Variants in RORA observed in about 807,000 individuals in gnomAD.
RORA encodes RAR related orphan receptor A, also known as nuclear receptor ROR-alpha.
RORA carries 7 observed loss-of-function variants against 69.5 expected under a neutral mutation model. The observed-to-expected ratio is 0.10, with a 90% CI of 0.06 to 0.19. RORA has a LOEUF of 0.19. Ranked by LOEUF, RORA falls within the 10% of genes least tolerant of loss-of-function variation. The pLI is 1.00. For synonymous variants in RORA, 261 were observed against 240.8 expected (o/e 1.08, Z -0.78); for missense variants, 457 against 663.0 (o/e 0.69, Z 3.41).
chr15:60,737,678 G>A (rs2071521286), intron 1 of RORA, among the ~76,000 whole-genome samples: 1 of 152,188 alleles, frequency 6.6e-6, no homozygotes, highest in Non-Finnish European at 1.5e-5. Flanking sequence ...TGTTTGTTTG[G>A]CTCAGGTTTC....
intron 2 of RORA, among the ~76,000 whole-genome samples, chr15:60,666,132 G>T (rs1390985708): frequency 6.6e-6 from 1 of 151,270 alleles, no homozygotes; most frequent in Non-Finnish European, 1.5e-5. Flanking sequence ...AGTAGATACT[G>T]ATCACTCTGT....
chr15:60,754,994 T>TTTA (rs1190666450), intron 1 of RORA, among the ~76,000 whole-genome samples: 15 of 151,592 alleles, frequency 9.9e-5, no homozygotes, highest in East Asian at 7.7e-4. Flanking sequence ...TTTTTTTTTT[T>TTTA]TATATATACT....
intron 1 of RORA, among the ~76,000 whole-genome samples, chr15:60,998,151 C>A (rs966154864): frequency 6.6e-6 from 1 of 152,090 alleles, no homozygotes; most frequent in Non-Finnish European, 1.5e-5. Context: ...ACCAAAGCTG[C>A]CTTCATCATG....
intron 1 of RORA, among the ~76,000 whole-genome samples, chr15:61,218,316 T>C (rs1262019678): frequency 6.6e-6 from 1 of 152,040 alleles, no homozygotes. Flanking sequence ...GGACCTGTAA[T>C]ATTCAAGCTG....
chr15:60,628,846 G>T (rs1324327341), intron 2 of RORA, among the ~76,000 whole-genome samples: 1 of 152,178 alleles, frequency 6.6e-6, no homozygotes, highest in African/African-American at 2.4e-5. Context: ...ACCTATTGCA[G>T]CTCAAGAGAT....
At chr15:60,541,347 T>G (rs916422971) in intron 2 of RORA, among the ~76,000 whole-genome samples, 1 of 152,186 alleles carries the variant, frequency 6.6e-6, no homozygotes, top group African/African-American at 2.4e-5. Context: ...TTTGTAATGC[T>G]TTTCTAAGAC....
At chr15:60,885,206 C>T (rs60681493) in intron 1 of RORA, among the ~76,000 whole-genome samples, 2 of 152,300 alleles carry the variant, frequency 1.3e-5, no homozygotes, top group East Asian at 3.9e-4. Flanking sequence ...GGGGCTCAGC[C>T]TATAAGAGAA....
At chr15:61,082,048 T>A (rs773283410) in intron 1 of RORA, among the ~76,000 whole-genome samples, 4 of 152,184 alleles carry the variant, frequency 2.6e-5, no homozygotes, top group Non-Finnish European at 5.9e-5. Flanking sequence ...CCTCACAGGT[T>A]TACTGTGACA....
At position 60,818,176 on chromosome 15, in the gene RORA, T is replaced by G. The variant is rs527847339; in HGVS notation, c.167-139490A>C. On this transcript the variant is annotated intron_variant, in intron 1 of 10. Coordinates refer to ENST00000335670, the MANE Select transcript of RORA (RefSeq NM_134261.3). ...ATGAAATCAAGGAACAAGTACAGGATTCTATTTAGGTTGGTGCAAAAGTTA... is the reference window on the plus strand; with the variant it reads ...ATGAAATCAAGGAACAAGTACAGGAGTCTATTTAGGTTGGTGCAAAAGTTA... 2.2e-4 allele frequency among the ~76,000 whole-genome samples: 33 copies of G among 152,318 alleles called. 1 individual carries two copies. The South Asian group carries it at 4.8e-3, about 22-fold the overall frequency.
intron 2 of RORA, among the ~76,000 whole-genome samples, chr15:60,541,601 A>C (rs1306925413): frequency 6.6e-6 from 1 of 152,246 alleles, no homozygotes; most frequent in African/African-American, 2.4e-5. Context: ...AAAGGGAAAT[A>C]CAGAAAGAGG....
At chr15:60,655,732 A>C (rs2070212173) in intron 2 of RORA, among the ~76,000 whole-genome samples, 3 of 152,146 alleles carry the variant, frequency 2.0e-5, no homozygotes, top group South Asian at 2.1e-4. Context: ...GAAGAAGGGC[A>C]AAGGGGAGTA....
In RORA at chr15:60,503,663, C is replaced by T. The variant is rs200561318; in HGVS notation, c.947G>A (p.Arg316Gln). 27 of 1,613,786 alleles carry T rather than the reference C, an allele frequency of 1.7e-5. No individual in the cohort carries two copies. The highest frequency in any genetic ancestry group is 8.8e-5 in the South Asian group (8 of 91,032). Reference protein sequence around the residue: ...EEIENYQNKQREVMWQLCAIK... With the variant: ...EEIENYQNKQQEVMWQLCAIK... ...GGCACACAATTGCCACATCACCTCC[C>T]GCTGCTGTTAAAGAGGGAAACACAT... The change falls in exon 7 of 11, where the codon CGG becomes CAG. Residue 316 changes from arginine (R) to glutamine (Q), a missense_variant. Coordinates refer to ENST00000335670, the MANE Select transcript of RORA (RefSeq NM_134261.3).
intron 1 of RORA, among the ~76,000 whole-genome samples, chr15:60,776,184 C>G (rs1366298087): frequency 6.6e-6 from 1 of 152,138 alleles, no homozygotes; most frequent in East Asian, 1.9e-4. Flanking sequence ...TCATGACCAG[C>G]TTGCAGGAGC....
rs2079358831 is a variant in RORA, at chr15:61,147,294, G to A, written c.166+81759C>T. 6.6e-6 allele frequency among the ~76,000 whole-genome samples: 1 copy of A among 152,216 alleles called. No individual in the cohort carries two copies. The highest frequency in any genetic ancestry group is 1.5e-5 in the Non-Finnish European group (1 of 68,038). On this transcript the variant is annotated intron_variant, in intron 1 of 10. Coordinates refer to ENST00000335670, the MANE Select transcript of RORA (RefSeq NM_134261.3). This position sits in a 1 kb window ranked among gnomAD's most constrained non-coding sequence, Gnocchi z 4.1. The stretch of plus-strand genomic sequence containing the variant: ...AGGAGCTCAGATGCCAGACAGCCAC[G>A]ACTTTGGCCCTCTGTGGTGCCTGGC...
chr15:61,204,748 G>A (rs1004356995), intron 1 of RORA, among the ~76,000 whole-genome samples: 2 of 152,230 alleles, frequency 1.3e-5, no homozygotes, highest in Non-Finnish European at 2.9e-5. Flanking sequence ...ATGACATGCA[G>A]CTTTCAGACT....
intron 1 of RORA, among the ~76,000 whole-genome samples, chr15:61,006,045 T>C (rs1420992911): frequency 1.3e-5 from 2 of 152,210 alleles, no homozygotes; most frequent in Admixed American, 1.3e-4. Context: ...CTTGGCTCAC[T>C]GCAACCTCCA....
chr15:61,199,346 C>T (rs916788748), intron 1 of RORA, among the ~76,000 whole-genome samples: 3 of 152,110 alleles, frequency 2.0e-5, no homozygotes, highest in East Asian at 1.9e-4. Flanking sequence ...AATACACGAA[C>T]GAATCCAATT....
At chr15:60,885,079 A>G (rs2073736951) in intron 1 of RORA, among the ~76,000 whole-genome samples, 1 of 152,242 alleles carries the variant, frequency 6.6e-6, no homozygotes, top group Non-Finnish European at 1.5e-5. Context: ...AGATGGCTAT[A>G]TATTTTTAAC....
chr15:61,221,127 T>C (rs1043742237), intron 1 of RORA, among the ~76,000 whole-genome samples: 3 of 152,228 alleles, frequency 2.0e-5, no homozygotes, highest in Admixed American at 1.3e-4. Context: ...GAAAGAAGCA[T>C]ACAGTTGACT....
Sources: gnomAD v4.1 joint callset for allele counts (sites outside exome capture counted in the v4.1 genomes callset) on GRCh38, gnomAD v4.1.1 for gene constraint, Gnocchi (gnomAD v3.1) non-coding constraint, MANE v1.5 for transcripts, NCBI Gene and HGNC (gene_info 2026-07-23, HGNC 2026-07-21) for gene names.